Variants in CATSPERE observed in about 807,000 individuals in gnomAD.
The protein encoded by CATSPERE is catsper channel auxiliary subunit epsilon, also known as cation channel sperm-associated auxiliary subunit epsilon.
A neutral mutation model predicts 114.1 loss-of-function variants in CATSPERE; 93 were observed. The observed-to-expected ratio is 0.81, with a 90% CI of 0.69 to 0.97. CATSPERE has a LOEUF of 0.97. Among genes scored for constraint, CATSPERE ranks in the 50% least tolerant of loss-of-function variants. CATSPERE has a pLI of 0.00. For missense variants in CATSPERE, 1,058 were observed against 1,131.6 expected (o/e 0.93, Z 0.93); for synonymous variants, 341 against 384.1 (o/e 0.89, Z 1.31).
chr1:244,553,284 G>A (rs1196375763), intron 9 of CATSPERE, among the ~76,000 whole-genome samples: 2 of 151,836 alleles, frequency 1.3e-5, no homozygotes, highest in East Asian at 1.9e-4. Context: ...GTTGCTGGCC[G>A]GGCGCGGTGG....
intron 20 of CATSPERE, among the ~76,000 whole-genome samples, chr1:244,632,166 TG>T (rs1674028867): frequency 6.6e-6 from 1 of 151,938 alleles, no homozygotes; most frequent in African/African-American, 2.4e-5. Context: ...GAGGCCGAGG[TG>T]GGCAGATCAT....
upstream of CATSPERE, among the ~76,000 whole-genome samples, chr1:244,459,260 G>A (rs1267663563): frequency 2.6e-5 from 4 of 151,978 alleles, no homozygotes. Context: ...TGTATTTTTA[G>A]TAAAGATGGG....
chr1:244,499,113 A>G (rs749403914), intron 7 of CATSPERE, 34 bp downstream of exon 7: 1 of 1,495,222 alleles, frequency 6.7e-7, no homozygotes, highest in Non-Finnish European at 9.3e-7. Context: ...CATAGTAAGA[A>G]CAGAATGCTG....
At chr1:244,602,834 G>A (rs79693207) in intron 17 of CATSPERE, among the ~76,000 whole-genome samples, 1,853 of 152,158 alleles carry the variant, frequency 0.012, 41 homozygotes, top group African/African-American at 0.043. Flanking sequence ...ATACAGACGC[G>A]GAAATGGCCA....
rs1305908166 is a variant in CATSPERE, at chr1:244,575,095, G to A, written c.1950+2323G>A. 6.6e-6 allele frequency among the ~76,000 whole-genome samples: 1 copy of A among 152,158 alleles called. No homozygotes were observed. Among genetic ancestry groups the A allele is most frequent in the Non-Finnish European group, 1.5e-5 (1 of 68,026 alleles). On this transcript the variant is annotated intron_variant, in intron 11 of 21. Coordinates refer to ENST00000366534, the MANE Select transcript of CATSPERE (RefSeq NM_001130957.2). The surrounding 1 kb of genome is among the most constrained non-coding windows in gnomAD (Gnocchi z 4.5). ...CCACTCTTGCAGCTGGCAGGGCCAG[G>A]CAATGGCATGGGCCCTGCCCCAGAG...
chr1:244,635,621 TCC>T, intron 21 of CATSPERE, 79 bp downstream of exon 21: 1 of 1,067,378 alleles, frequency 9.4e-7, no homozygotes, highest in East Asian at 2.5e-5. Flanking sequence ...AAAGCACCTC[TCC>T]CCCGTGTCTC....
intron 19 of CATSPERE, among the ~76,000 whole-genome samples, chr1:244,612,805 G>T (rs1447730987): frequency 1.3e-5 from 2 of 152,144 alleles, no homozygotes; most frequent in Non-Finnish European, 2.9e-5. Context: ...GGGATTACAG[G>T]CGCGGCACCA....
intron 17 of CATSPERE, among the ~76,000 whole-genome samples, chr1:244,594,152 G>A (rs1022698272): frequency 2.6e-5 from 4 of 151,902 alleles, no homozygotes; most frequent in East Asian, 1.9e-4. Flanking sequence ...AGACCCTGTC[G>A]TTACAAAAAT....
At chr1:244,534,557 T>C (rs1336217097) in intron 8 of CATSPERE, among the ~76,000 whole-genome samples, 1 of 152,194 alleles carries the variant, frequency 6.6e-6, no homozygotes, top group East Asian at 1.9e-4. Context: ...ATTAAGAGAC[T>C]CCGATGCATT....
At chr1:244,636,853 A>C (rs2653154) in intron 21 of CATSPERE, 1 of 152,306 alleles carries the variant, frequency 6.6e-6, no homozygotes, top group African/African-American at 2.4e-5. Flanking sequence ...GTCCTTTTCT[A>C]GAGCAGCGAC....
At chr1:244,632,956 C>A (rs1447455453) in intron 20 of CATSPERE, among the ~76,000 whole-genome samples, 19 of 151,940 alleles carry the variant, frequency 1.3e-4, no homozygotes, top group Admixed American at 7.2e-4. Flanking sequence ...AAAAGATAAA[C>A]CATGCTAATA....
intron 20 of CATSPERE, among the ~76,000 whole-genome samples, chr1:244,627,564 G>A (rs1304770451): frequency 1.3e-5 from 2 of 150,954 alleles, no homozygotes; most frequent in Non-Finnish European, 2.9e-5. Context: ...GACGGAGCAA[G>A]ACCCTGTTAA....
At chr1:244,579,888 T>A (rs1015599125) in intron 11 of CATSPERE, among the ~76,000 whole-genome samples, 1 of 152,188 alleles carries the variant, frequency 6.6e-6, no homozygotes, top group African/African-American at 2.4e-5. Flanking sequence ...ACTTGACACA[T>A]AAGGTTCTTA....
chr1:244,555,009 C>T (rs747301504), intron 9 of CATSPERE, among the ~76,000 whole-genome samples: 1 of 152,164 alleles, frequency 6.6e-6, no homozygotes, highest in African/African-American at 2.4e-5. Flanking sequence ...ATCACATCCA[C>T]AGAATGAAGG....
chr1:244,468,372 G>A (rs755193569), intron 2 of CATSPERE, among the ~76,000 whole-genome samples: 11 of 152,206 alleles, frequency 7.2e-5, no homozygotes, highest in East Asian at 3.9e-4. Context: ...GATTACAGGC[G>A]TGAACCACCA....
chr1:244,539,986 CTGATT>C (rs1658363422), intron 8 of CATSPERE, among the ~76,000 whole-genome samples: 1 of 151,620 alleles, frequency 6.6e-6, no homozygotes, highest in East Asian at 1.9e-4. Context: ...CAGTTCTGCT[CTGATT>C]TTAGTTATTT....
At chr1:244,592,836 GT>G (rs1158659450) in intron 15 of CATSPERE, among the ~76,000 whole-genome samples, 5 of 152,276 alleles carry the variant, frequency 3.3e-5, no homozygotes, top group Admixed American at 3.3e-4. Context: ...CCCCTGCAAC[GT>G]GGTAACATAC....
chr1:244,615,911 C>T (rs573553408), intron 19 of CATSPERE, among the ~76,000 whole-genome samples: 12 of 139,152 alleles, frequency 8.6e-5, no homozygotes, highest in African/African-American at 2.7e-4. Context: ...TCCAGAAGTT[C>T]GACAGAAATC....
intron 7 of CATSPERE, among the ~76,000 whole-genome samples, chr1:244,517,927 TTTGTGAGTGGATG>T: frequency 6.6e-6 from 1 of 150,890 alleles, no homozygotes; most frequent in African/African-American, 2.5e-5. Flanking sequence ...TAAAGGTTCC[TTTGTGAGTGGATG>T]CCATGTTTTT....
Sources: gnomAD v4.1 joint callset for allele counts (sites outside exome capture counted in the v4.1 genomes callset) on GRCh38, gnomAD v4.1.1 for gene constraint, Gnocchi (gnomAD v3.1) non-coding constraint, MANE v1.5 for transcripts, NCBI Gene and HGNC (gene_info 2026-07-23, HGNC 2026-07-21) for gene names.